Variants in N4BP2 observed in about 807,000 individuals in gnomAD.
N4BP2 encodes NEDD4-binding protein 2.
A neutral mutation model predicts 152.8 loss-of-function variants in N4BP2; 91 were observed. The observed-to-expected ratio is 0.60, with a 90% CI of 0.50 to 0.71. N4BP2 has a LOEUF of 0.71. Ranked by LOEUF, N4BP2 falls within the 30% of genes least tolerant of loss-of-function variation. The pLI is 0.00. For synonymous variants in N4BP2, 646 were observed against 705.3 expected (o/e 0.92, Z 1.33); for missense variants, 1,923 against 2,059.1 (o/e 0.93, Z 1.28).
At position 40,121,950 on chromosome 4, in the gene N4BP2, C is replaced by G; in HGVS notation, c.3839C>G (p.Ser1280Cys). The G allele has an allele frequency of 6.4e-7, 1 of 1,567,926 alleles. No individual in the cohort carries two copies. Among genetic ancestry groups the G allele is most frequent in the Non-Finnish European group, 8.6e-7 (1 of 1,160,400 alleles). Residue 1280 changes from serine to cysteine, a missense_variant, in exon 9 of 18, where the codon TCT becomes TGT. Transcript: ENST00000261435. ...ACAGAGACTGGAGACAACATACATTCTCCTTCACATTTCTCTGATATTTTT... is the reference window on the plus strand; with the variant it reads ...ACAGAGACTGGAGACAACATACATTGTCCTTCACATTTCTCTGATATTTTT... Reference protein sequence around the residue: ...VVTETGDNIHSPSHFSDIFNF... With the variant: ...VVTETGDNIHCPSHFSDIFNF...
chr4:40,112,016 G>T, intron 5 of N4BP2, 68 bp from the exon 6 acceptor site: 1 of 815,706 alleles, frequency 1.2e-6, no homozygotes, highest in Admixed American at 2.7e-5. Context: ...GAAAAGATCA[G>T]ATTTTTTGAA....
chr4:40,070,526 G>A (rs940904283), intron 1 of N4BP2, among the ~76,000 whole-genome samples: 42 of 151,896 alleles, frequency 2.8e-4, no homozygotes, highest in Non-Finnish European at 8.8e-5. Context: ...ATGGCTTACT[G>A]CAGCCTTGAC....
intron 14 of N4BP2, among the ~76,000 whole-genome samples, chr4:40,137,956 G>T (rs540113585): frequency 1.3e-5 from 2 of 152,284 alleles, no homozygotes; most frequent in South Asian, 4.1e-4. Context: ...TTCTGGACTG[G>T]TTGGTTTCCA....
At position 40,117,882 on chromosome 4, in the gene N4BP2, G is replaced by T; in HGVS notation, c.1678G>T (p.Gly560Trp). ...PKELARRNIH[G>W]VSKEKITRML... is the part of the protein sequence containing the mutation. ...TGGAATTTTCAGGCGTAACATTCAT[G>T]GGGTAAGCAAAGAAAAAATAACAAG... The change falls in exon 8 of 18, where the codon GGG (glycine) becomes TGG (tryptophan). Residue 560 changes from glycine (G) to tryptophan (W), a missense_variant. Transcript: ENST00000261435. 6.2e-7 allele frequency: 1 copy of T among 1,606,092 alleles called. No individual in the cohort carries two copies. The highest frequency in any genetic ancestry group is 8.5e-7 in the Non-Finnish European group (1 of 1,176,790).
In N4BP2 at chr4:40,092,940, G is replaced by C. The variant is rs548245434; in HGVS notation, c.-114-4287G>C. 2.0e-5 allele frequency among the ~76,000 whole-genome samples: 3 copies of C among 149,568 alleles called. No individual in the cohort carries two copies. The East Asian group carries it at 5.9e-4, about 29-fold the overall frequency. On this transcript the variant is annotated intron_variant, in intron 2 of 17. Transcript: ENST00000261435. ...ATTACAGGCATGAGCCACCGTGCCC[G>C]GCCTGCTCTTTTTTTTTTTAAAGAT...
intron 14 of N4BP2, 87 bp downstream of exon 14, chr4:40,137,169 T>C: frequency 9.3e-7 from 1 of 1,069,560 alleles, no homozygotes; most frequent in Non-Finnish European, 1.3e-6. Context: ...AATTTAATGA[T>C]TATTTCTCAC....
At chr4:40,184,883 G>A in the N4BP2 span, among the ~76,000 whole-genome samples, 132 of 152,184 alleles carry the variant, frequency 8.7e-4, no homozygotes, top group African/African-American at 3.1e-3. Flanking sequence ...TTGAACCTGG[G>A]AGGCGGAGGT....
Position 40,145,542 on chromosome 4 carries a change from C to T in N4BP2, c.5143+742C>T, listed in dbSNP as rs571352506. Among the ~76,000 whole-genome samples, 3 of 152,140 alleles carry T rather than the reference C, an allele frequency of 2.0e-5. No individual in the cohort carries two copies. The South Asian group carries it at 6.2e-4, about 32-fold the overall frequency. On this transcript the variant is annotated intron_variant, in intron 16 of 17. Transcript: ENST00000261435. ...TGTTTTTAAATTGAATTTTGGAAAT[C>T]TTGTAGAAAATCTAGAAAACAGTAA...
intron 2 of N4BP2, among the ~76,000 whole-genome samples, chr4:40,092,450 C>CT (rs1714697209): frequency 6.6e-6 from 1 of 151,678 alleles, no homozygotes; most frequent in South Asian, 2.1e-4. Flanking sequence ...CTTTATTAGC[C>CT]TTTTGATATC....
At position 40,102,709 on chromosome 4, in the gene N4BP2, C is replaced by T; in HGVS notation, c.864C>T (p.Ala288=). Reference sequence around the variant, plus strand: ...CTGAAGCTCCTGTAGATTTGGATGCCAGTGAACCTCAGGCTTGTTTAAACC... The same window carrying T: ...CTGAAGCTCCTGTAGATTTGGATGCTAGTGAACCTCAGGCTTGTTTAAACC... ...QFSEAPVDLD[A]SEPQACLNLP... Residue 288 remains alanine (A), a synonymous_variant, in exon 4 of 18, where the codon GCC becomes GCT. Transcript: ENST00000261435. The T allele has an allele frequency of 6.2e-7, 1 of 1,614,132 alleles. No homozygotes were observed. Among genetic ancestry groups the T allele is most frequent in the Non-Finnish European group, 8.5e-7 (1 of 1,180,030 alleles).
At chr4:40,070,537 C>T (rs765758291) in intron 1 of N4BP2, among the ~76,000 whole-genome samples, 1 of 152,092 alleles carries the variant, frequency 6.6e-6, no homozygotes, top group African/African-American at 2.4e-5. Context: ...CAGCCTTGAC[C>T]TCCCAGGCTC....
At chr4:40,085,031 G>C (rs1713801893) in intron 2 of N4BP2, among the ~76,000 whole-genome samples, 1 of 151,332 alleles carries the variant, frequency 6.6e-6, no homozygotes, top group Non-Finnish European at 1.5e-5. Flanking sequence ...TCCTGCCTCA[G>C]CCTCCCGAGT....
chr4:40,072,060 C>T (rs6857384), intron 1 of N4BP2, among the ~76,000 whole-genome samples: 43,713 of 150,402 alleles, frequency 0.29, 6,566 homozygotes, highest in South Asian at 0.48. Flanking sequence ...AAGCATTTGC[C>T]ACTATGCCTG....
At chr4:40,132,418 G>A (rs1718983969) in intron 13 of N4BP2, among the ~76,000 whole-genome samples, 1 of 151,934 alleles carries the variant, frequency 6.6e-6, no homozygotes, top group South Asian at 2.1e-4. Context: ...TTATGTATGT[G>A]GTATGAGGTA....
chr4:40,124,345 T>C (rs1718201439), intron 11 of N4BP2, 140 bp downstream of exon 11: 3 of 431,236 alleles, frequency 7.0e-6, no homozygotes, highest in Non-Finnish European at 1.2e-5. Flanking sequence ...TATTTATTTA[T>C]TTATTTATTT....
chr4:40,164,135 TTGAC>T, the N4BP2 span, among the ~76,000 whole-genome samples: 2 of 152,166 alleles, frequency 1.3e-5, no homozygotes, highest in Non-Finnish European at 2.9e-5. Flanking sequence ...GTTGAAAAGC[TTGAC>T]TGTGAGATAC....
chr4:40,068,440 G>C (rs1444913544), intron 1 of N4BP2, among the ~76,000 whole-genome samples: 1 of 152,146 alleles, frequency 6.6e-6, no homozygotes, highest in Non-Finnish European at 1.5e-5. Context: ...CGAGTTTTAA[G>C]TTTAAGGTCT....
Position 40,142,776 on chromosome 4 carries a change from A to G in N4BP2, c.4889A>G (p.Gln1630Arg), listed in dbSNP as rs1179162982. ...TACAGAGCAGAGGCTTTCCTTCACC[A>G]ACAGAAGAGGATGGAGTGCTACAGC... is the stretch of plus-strand genomic sequence containing the variant. ...DDYRAEAFLHQQKRMECYSKA... is the reference protein window; with the variant it reads ...DDYRAEAFLHRQKRMECYSKA... The change falls in exon 15 of 18, where the codon CAA (glutamine) becomes CGA (arginine). Residue 1630 changes from glutamine (Q) to arginine (R), a missense_variant. By Grantham distance (43) the Gln-to-Arg change is conservative. Transcript: ENST00000261435. 6 of 1,614,064 alleles carry G rather than the reference A, an allele frequency of 3.7e-6. No individual in the cohort carries two copies. In the African/African-American group the frequency reaches 5.3e-5, roughly 14 times the overall value.
At chr4:40,189,291 A>C in the N4BP2 span, among the ~76,000 whole-genome samples, 139 of 152,210 alleles carry the variant, frequency 9.1e-4, no homozygotes, top group Non-Finnish European at 1.8e-3. The surrounding 1 kb of genome is among the most constrained non-coding windows in gnomAD (Gnocchi z 4.3). Flanking sequence ...GGAATTTTCC[A>C]CTAGGTACTT....
Sources: gnomAD v4.1 joint callset for allele counts (sites outside exome capture counted in the v4.1 genomes callset) on GRCh38, gnomAD v4.1.1 for gene constraint, Gnocchi (gnomAD v3.1) non-coding constraint, MANE v1.5 for transcripts, NCBI Gene and HGNC (gene_info 2026-07-23, HGNC 2026-07-21) for gene names.